Variants in STX19 observed in about 807,000 individuals in gnomAD.
The protein encoded by STX19 is syntaxin-19.
In STX19, 26 loss-of-function variants were observed where a neutral mutation model predicts 24.3. The ratio of observed to expected loss-of-function variants is 1.07; its 90% confidence interval spans 0.78 to 1.48. The LOEUF (loss-of-function observed/expected upper bound fraction) is 1.48, where lower values mean the gene tolerates loss of function less well. STX19 is among the 40% of genes most tolerant of loss of function. The pLI, the probability that STX19 is intolerant of heterozygous loss-of-function variation, is 0.00. For missense variants in STX19, 367 were observed against 331.9 expected, an observed-to-expected ratio of 1.11 and a Z score of -0.82; for synonymous variants, 116 against 106.9, an observed-to-expected ratio of 1.09 and a Z score of -0.52.
chr3:94,026,554 T>G (rs2076562488), intron 1 of STX19, among the ~76,000 whole-genome samples: 2 of 152,192 alleles, frequency 1.3e-5, no homozygotes, highest in Non-Finnish European at 2.9e-5. Flanking sequence ...TGATCTTATA[T>G]CTTCATGAAT....
intron 1 of STX19, among the ~76,000 whole-genome samples, chr3:94,025,221 C>T (rs1172737261): frequency 1.3e-5 from 2 of 151,050 alleles, no homozygotes; most frequent in African/African-American, 2.4e-5. Flanking sequence ...TTAATATGTC[C>T]TTTTTATTAA....
chr3:94,027,879 A>G (rs1481757006), intron 1 of STX19, among the ~76,000 whole-genome samples: 1 of 152,110 alleles, frequency 6.6e-6, no homozygotes, highest in Non-Finnish European at 1.5e-5. Context: ...TTTCAATTTT[A>G]GAAGATTCTA....
At chr3:94,028,125 T>G (rs2076596327) in intron 1 of STX19, among the ~76,000 whole-genome samples, 1 of 152,156 alleles carries the variant, frequency 6.6e-6, no homozygotes, top group African/African-American at 2.4e-5. Context: ...CTTAAAAATT[T>G]TTTCTTTCCT....
chr3:94,021,594 C>A (rs1340184584), intron 1 of STX19, among the ~76,000 whole-genome samples: 2 of 152,118 alleles, frequency 1.3e-5, no homozygotes, highest in Non-Finnish European at 2.9e-5. Flanking sequence ...CATGTGGCAA[C>A]TTTGTGAAAG....
At chr3:94,021,332 C>T (rs1454200167) in intron 1 of STX19, among the ~76,000 whole-genome samples, 4 of 151,764 alleles carry the variant, frequency 2.6e-5, no homozygotes, top group Non-Finnish European at 5.9e-5. Flanking sequence ...GTTCCTGAGA[C>T]TACAGGTGCC....
chr3:94,026,457 G>T (rs574419211), intron 1 of STX19, among the ~76,000 whole-genome samples: 1 of 152,112 alleles, frequency 6.6e-6, no homozygotes, highest in South Asian at 2.1e-4. Context: ...GACTTGATAG[G>T]TACTCAAATA....
chr3:94,015,212 C>G lies in STX19; in HGVS notation c.58G>C (p.Asp20His). Residue 20 changes from aspartate to histidine, a missense_variant, in exon 2 of 2, where the codon GAC becomes CAC. Transcript: ENST00000315099. ...QRTKEIELSR[D>H]SHVSTTETEE... ...GTTTCTGTAGTTGATACATGACTGT[C>G]TCTAGAGAGTTCAATTTCCTTTGTT... is the stretch of plus-strand genomic sequence containing the variant. 1 of 1,596,646 alleles carries G rather than the reference C, an allele frequency of 6.3e-7. No homozygotes were observed. The highest frequency in any genetic ancestry group is 8.5e-7 in the Non-Finnish European group (1 of 1,175,430).
intron 1 of STX19, among the ~76,000 whole-genome samples, chr3:94,020,584 G>C (rs1163048066): frequency 6.6e-6 from 1 of 152,180 alleles, no homozygotes; most frequent in Non-Finnish European, 1.5e-5. Context: ...GTTGGGAAAA[G>C]AGCCAGATCA....
Position 94,015,065 on chromosome 3 carries a change from G to T in STX19, c.205C>A (p.Gln69Lys). 1.2e-6 allele frequency: 2 copies of T among 1,613,838 alleles called. No individual in the cohort carries two copies. The highest frequency in any genetic ancestry group is 2.2e-5 in the South Asian group (2 of 91,028). The change falls in exon 2 of 2, where the codon CAA becomes AAA. Residue 69 changes from glutamine (Q) to lysine (K), a missense_variant. Transcript: ENST00000315099. Reference sequence around the variant, plus strand: ...CTTTTCTGTTGCTGCCCAAATTTTTGAACATTATCTGCCAAATTGTTAATA... The same window carrying T: ...CTTTTCTGTTGCTGCCCAAATTTTTTAACATTATCTGCCAAATTGTTAATA... Reference protein sequence around the residue: ...ESINNLADNVQKFGQQQKSLV... With the variant: ...ESINNLADNVKKFGQQQKSLV...
intron 1 of STX19, among the ~76,000 whole-genome samples, chr3:94,023,394 C>T (rs1211761552): frequency 6.6e-6 from 1 of 151,806 alleles, no homozygotes; most frequent in East Asian, 1.9e-4. Context: ...TCTGAAATTT[C>T]ACAACAATGT....
chr3:94,026,481 TATATAA>T (rs1435737659), intron 1 of STX19, among the ~76,000 whole-genome samples: 1 of 152,228 alleles, frequency 6.6e-6, no homozygotes, highest in African/African-American at 2.4e-5. Flanking sequence ...TTATATGCTG[TATATAA>T]ATTACATTTT....
chr3:94,017,774 C>T (rs1346648136), intron 1 of STX19, among the ~76,000 whole-genome samples: 3 of 151,780 alleles, frequency 2.0e-5, no homozygotes, highest in Admixed American at 2.0e-4. Context: ...GATGAAGAGC[C>T]GAGGGAGTGT....
At position 94,014,830 on chromosome 3, in the gene STX19, A is replaced by G. The variant is rs1265778965; in HGVS notation, c.440T>C (p.Ile147Thr). The change falls in exon 2 of 2, where the codon ATC (isoleucine) becomes ACC (threonine). Residue 147 changes from isoleucine to threonine, a missense_variant. Coordinates refer to ENST00000315099, the MANE Select transcript of STX19 (RefSeq NM_001001850.3). ...TATTGTGTCATTGTATATAAACATG[A>G]TTTGCTGAAAATGGCGGAACATTGC... Reference protein sequence around the residue: ...HAAMFRHFQQIMFIYNDTIAA... With the variant: ...HAAMFRHFQQTMFIYNDTIAA... The G allele has an allele frequency of 8.7e-6, 14 of 1,614,096 alleles. No individual in the cohort carries two copies. Among genetic ancestry groups the G allele is most frequent in the Non-Finnish European group, 1.2e-5 (14 of 1,179,988 alleles).
At chr3:94,018,432 C>A (rs1444181728) in intron 1 of STX19, among the ~76,000 whole-genome samples, 1 of 151,834 alleles carries the variant, frequency 6.6e-6, no homozygotes, top group South Asian at 2.1e-4. Context: ...TGTTTTTTTT[C>A]TCTTACCTTT....
chr3:94,015,911 C>G (rs1309816666), intron 1 of STX19, among the ~76,000 whole-genome samples: 1 of 152,024 alleles, frequency 6.6e-6, no homozygotes, highest in Admixed American at 6.6e-5. Context: ...ATTTCTCATT[C>G]TTAGCATTCT....
intron 1 of STX19, among the ~76,000 whole-genome samples, chr3:94,018,159 G>T (rs969399128): frequency 2.0e-5 from 3 of 151,842 alleles, no homozygotes; most frequent in African/African-American, 7.3e-5. Flanking sequence ...TGTCCTCCCA[G>T]AGTGCTAAGA....
At chr3:94,021,293 G>A (rs897389491) in intron 1 of STX19, among the ~76,000 whole-genome samples, 7 of 151,256 alleles carry the variant, frequency 4.6e-5, no homozygotes, top group African/African-American at 1.5e-4. Context: ...TCCTGGGTTC[G>A]AAGCGATTCT....
At position 94,015,099 on chromosome 3, in the gene STX19, T is replaced by C. The variant is rs1255650104; in HGVS notation, c.171A>G (p.Leu57=). The C allele has an allele frequency of 3.7e-6, 6 of 1,613,864 alleles. No individual in the cohort carries two copies. The highest frequency in any genetic ancestry group is 5.1e-6 in the Non-Finnish European group (6 of 1,179,914). ...AERHLHEIQK[L]QESINNLADN... ...CTGCCAAATTGTTAATACTTTCCTG[T>C]AGTTTTTGGATTTCATGTAGGTGTC... Residue 57 remains leucine (L), a synonymous_variant, in exon 2 of 2, where the codon CTA becomes CTG. Coordinates refer to ENST00000315099, the MANE Select transcript of STX19 (RefSeq NM_001001850.3).
At chr3:94,018,453 C>T (rs978080552) in intron 1 of STX19, among the ~76,000 whole-genome samples, 8 of 151,962 alleles carry the variant, frequency 5.3e-5, no homozygotes, top group African/African-American at 1.9e-4. Flanking sequence ...TTGGCTCTTC[C>T]TTTATCACTA....
Sources: gnomAD v4.1 joint callset for allele counts (sites outside exome capture counted in the v4.1 genomes callset) on GRCh38, gnomAD v4.1.1 for gene constraint, MANE v1.5 for transcripts, NCBI Gene and HGNC (gene_info 2026-07-23, HGNC 2026-07-21) for gene names.